Variants in EEA1 observed in about 807,000 individuals in gnomAD.
The protein encoded by EEA1 is early endosome antigen 1, 162kD.
EEA1 carries 111 observed loss-of-function variants against 209.2 expected under a neutral mutation model. That is an observed-to-expected ratio of 0.53 (90% CI 0.45 to 0.62). The LOEUF is 0.62. EEA1 is among the 20% of genes least tolerant of loss of function. EEA1 has a pLI of 0.00. For missense variants in EEA1, 1,343 were observed against 1,530.8 expected (o/e 0.88, Z 2.05); for synonymous variants, 536 against 540.6 (o/e 0.99, Z 0.12).
chr12:92,878,232 G>A (rs571774632), intron 2 of EEA1, among the ~76,000 whole-genome samples: 23 of 152,090 alleles, frequency 1.5e-4, no homozygotes, highest in East Asian at 3.9e-4. Context: ...AAGACCCCTC[G>A]CTACAAGAAA....
chr12:92,929,229 C>G lies in EEA1; in HGVS notation c.-163G>C, dbSNP rs1271496983. 2 of 608,778 alleles carry G rather than the reference C, an allele frequency of 3.3e-6. No individual in the cohort carries two copies. The highest frequency in any genetic ancestry group is 3.7e-5 in the Admixed American group (1 of 27,090). 37.7% of individuals were successfully genotyped at this position (608,778 alleles called of 1,614,324 possible). On this transcript the variant is annotated 5_prime_UTR_variant, in exon 1 of 29. Transcript: ENST00000322349. ...GCCGCTCGGGCGGCCCCGACTTCCC[C>G]ACAGGCGGCGAGAGGGAGCACGCGA...
chr12:92,829,577 G>A (rs951891139), intron 11 of EEA1, among the ~76,000 whole-genome samples: 20 of 151,816 alleles, frequency 1.3e-4, no homozygotes, highest in African/African-American at 4.6e-4. Context: ...TCAAGAGTTC[G>A]AGACCAGCCT....
chr12:92,857,822 AACTC>A (rs1877947355), intron 3 of EEA1, among the ~76,000 whole-genome samples: 1 of 152,232 alleles, frequency 6.6e-6, no homozygotes, highest in African/African-American at 2.4e-5. Flanking sequence ...ATAAAATCTA[AACTC>A]ATTAACATGG....
intron 3 of EEA1, 104 bp downstream of exon 3, chr12:92,864,753 AAAT>A (rs1878299177): frequency 1.8e-6 from 2 of 1,103,058 alleles, no homozygotes; most frequent in Admixed American, 3.1e-5. Context: ...GATTTAAATT[AAAT>A]AATACAAAAA....
rs559849240 is a variant in EEA1 at position 92,812,778 on chromosome 12, T to C, written c.2043+202A>G. Reference sequence around the variant, plus strand: ...CCACACCTGCACACTAGTAGAAATTTATCAAAAACAAAGCTGTTATTTTTA... The same window carrying C: ...CCACACCTGCACACTAGTAGAAATTCATCAAAAACAAAGCTGTTATTTTTA... On this transcript the variant is annotated intron_variant, in intron 16 of 28. Transcript: ENST00000322349. Among the ~76,000 whole-genome samples, 22 of 152,322 alleles carry C rather than the reference T, an allele frequency of 1.4e-4. No homozygotes were observed. In the South Asian group the frequency reaches 4.3e-3, roughly 30 times the overall value.
chr12:92,821,400 T>C (rs1454157610), intron 13 of EEA1, among the ~76,000 whole-genome samples: 1 of 152,068 alleles, frequency 6.6e-6, no homozygotes, highest in Non-Finnish European at 1.5e-5. Context: ...CCTGTGTAGA[T>C]ACGAACTAAC....
chr12:92,786,956 A>G (rs777757622), intron 22 of EEA1, among the ~76,000 whole-genome samples: 2 of 152,146 alleles, frequency 1.3e-5, no homozygotes, highest in Non-Finnish European at 2.9e-5. Flanking sequence ...CATTCTCACT[A>G]TGGCACCTTT....
intron 1 of EEA1, among the ~76,000 whole-genome samples, chr12:92,921,759 G>GAAAAAAAAAAAAAAAAA (rs751838383): frequency 1.7e-4 from 13 of 76,696 alleles, no homozygotes; most frequent in East Asian, 5.5e-4. Context: ...TAAAAAAAAA[G>GAAAAAAAAAAAAAAAAA]AAAAAAAAAA....
chr12:92,903,533 G>A (rs1461831949), intron 1 of EEA1, among the ~76,000 whole-genome samples: 1 of 151,766 alleles, frequency 6.6e-6, no homozygotes, highest in African/African-American at 2.4e-5. Flanking sequence ...AGGAGGCGAA[G>A]GTTGTGGTGA....
intron 6 of EEA1, among the ~76,000 whole-genome samples, chr12:92,853,273 T>C (rs1307992338): frequency 2.0e-5 from 3 of 152,224 alleles, no homozygotes; most frequent in Admixed American, 1.3e-4. Flanking sequence ...AAATATTTTA[T>C]TACAAGTTAT....
At chr12:92,841,296 C>A (rs556686639) in intron 10 of EEA1, among the ~76,000 whole-genome samples, 2 of 152,202 alleles carry the variant, frequency 1.3e-5, no homozygotes, top group African/African-American at 4.8e-5. Flanking sequence ...TTACCTTATA[C>A]TATATACAAA....
In EEA1 at chr12:92,857,461, T is replaced by C. The variant is rs935831973; in HGVS notation, c.270A>G (p.Gln90=). 8.8e-6 allele frequency: 14 copies of C among 1,596,768 alleles called. No homozygotes were observed. The Admixed American group carries it at 1.6e-4, about 18-fold the overall frequency. Residue 90 remains glutamine, a synonymous_variant, in exon 4 of 29, where the codon CAA becomes CAG. Coordinates refer to ENST00000322349, the MANE Select transcript of EEA1 (RefSeq NM_003566.4). The part of the protein sequence containing the change: ...LKRDDVTLLR[Q]EVQDLQASLK... The stretch of plus-strand genomic sequence containing the variant: ...GTGAAGCCTGTAGGTCTTGGACCTC[T>C]TGTCTGAGCAGTGTTACATCATCTC...
At chr12:92,776,733 G>T (rs927717366) in intron 28 of EEA1, 111 bp downstream of exon 28, 4 of 1,022,798 alleles carry the variant, frequency 3.9e-6, no homozygotes, top group African/African-American at 1.6e-5. Context: ...AAAGTTTACT[G>T]ATAAACAGAA....
At chr12:92,836,168 A>G (rs61933756) in intron 10 of EEA1, among the ~76,000 whole-genome samples, 39,237 of 152,146 alleles carry the variant, frequency 0.26, 5,571 homozygotes, top group Non-Finnish European at 0.32. Flanking sequence ...AAATGGTAGA[A>G]TCATGGATTA....
chr12:92,837,123 TTA>T (rs1491470987), intron 10 of EEA1, among the ~76,000 whole-genome samples: 4 of 30,878 alleles, frequency 1.3e-4, no homozygotes, highest in African/African-American at 1.6e-4. Context: ...TCTGTCTCAT[TTA>T]AAAAAAAAAA....
intron 2 of EEA1, among the ~76,000 whole-genome samples, chr12:92,877,009 A>G (rs59014451): frequency 0.28 from 42,439 of 149,856 alleles, 6,461 homozygotes; most frequent in Non-Finnish European, 0.32. Flanking sequence ...AGTGGCACGA[A>G]CTCAGCTCAC....
chr12:92,884,488 T>C (rs1374264388), intron 2 of EEA1: 2 of 1,496,838 alleles, frequency 1.3e-6, no homozygotes, highest in East Asian at 2.3e-5. Context: ...GATTTGGTAA[T>C]GATGGAAGCA....
At chr12:92,836,883 G>A (rs776101183) in intron 10 of EEA1, among the ~76,000 whole-genome samples, 14 of 152,202 alleles carry the variant, frequency 9.2e-5, no homozygotes, top group Admixed American at 2.6e-4. Flanking sequence ...AGCACTTTGG[G>A]AGGCCGAGGC....
chr12:92,860,571 T>C (rs1348436002), intron 3 of EEA1, among the ~76,000 whole-genome samples: 3 of 152,302 alleles, frequency 2.0e-5, no homozygotes, highest in Non-Finnish European at 4.4e-5. Flanking sequence ...ATGATTACCA[T>C]GATTCCTTTA....
Sources: gnomAD v4.1 joint callset for allele counts (sites outside exome capture counted in the v4.1 genomes callset) on GRCh38, gnomAD v4.1.1 for gene constraint, MANE v1.5 for transcripts, NCBI Gene and HGNC (gene_info 2026-07-23, HGNC 2026-07-21) for gene names.